Variants in NLRP12 observed in about 807,000 individuals in gnomAD.
NLRP12 encodes NACHT, LRR and PYD domains-containing protein 12.
A neutral mutation model predicts 91.2 loss-of-function variants in NLRP12; 108 were observed. That is an observed-to-expected ratio of 1.18 (90% CI 1.01 to 1.39). NLRP12 has a LOEUF of 1.39. Ranked by LOEUF, NLRP12 falls within the 40% of genes most tolerant of loss-of-function variation. NLRP12 has a pLI of 0.00. For missense variants in NLRP12, 1,530 were observed against 1,352.7 expected (o/e 1.13, Z -2.06); for synonymous variants, 613 against 566.7 (o/e 1.08, Z -1.16).
rs763359529 is a variant in NLRP12, at chr19:53,809,935, AGGT to A, written c.1721_1723del (p.His574del). On this transcript the variant is annotated inframe_deletion, in exon 3 of 10. Transcript: ENST00000324134. ...GACCTTCCAGCAGAGACTCTTCTCC[AGGT>A]GGCTCCTGGTCTCCTCGTTCAGGAG... 2.5e-6 allele frequency: 4 copies of A among 1,614,124 alleles called. No individual in the cohort carries two copies. In the South Asian group the frequency reaches 4.4e-5, roughly 18 times the overall value.
rs1199379245 is a variant in NLRP12, at chr19:53,819,453, A to ATG, written c.289+4432_289+4433insCA. Among the ~76,000 whole-genome samples the ATG allele has an allele frequency of 1.3e-3, 10 of 7,622 alleles. 1 individual carries two copies. The highest frequency in any genetic ancestry group is 4.1e-3 in the Admixed American group (3 of 732). The allele number at this position is 7,622 out of a possible 152,430, so 5.0% of individuals were successfully genotyped here. On this transcript the variant is annotated intron_variant, in intron 1 of 9. Transcript: ENST00000324134. ...TATATATATATATATATATATATATATATATGTGTGTGTGTGTGTGTGTGT... is the reference window on the plus strand; with the variant it reads ...TATATATATATATATATATATATATATGTATATGTGTGTGTGTGTGTGTGTGT...
rs104895569 is a variant in NLRP12 at position 53,798,386 on chromosome 19, G to C, written c.2784C>G (p.Ala928=). 17 of 1,613,978 alleles carry C rather than the reference G, an allele frequency of 1.1e-5. No homozygotes were observed. Among genetic ancestry groups the C allele is most frequent in the Non-Finnish European group, 1.4e-5 (17 of 1,180,032 alleles). Residue 928 remains alanine, a synonymous_variant, in exon 8 of 10, where the codon GCC becomes GCG. Transcript: ENST00000324134. ...GCACCACAGAAAGACCCTCACAGGC[G>C]GCAGAGCCCAGCCGGCAGATGCCCA... ...LRLGICRLGS[A]ACEGLSVVLQ...
rs764354581 is a variant in NLRP12 at position 53,807,556 on chromosome 19, G to A, written c.2182C>T (p.Arg728Trp). ...CCTTGACAGAGCAGCTTCACCCCCCGGCTGCCCAGGGCATTTCGGTACAGA... is the reference window on the plus strand; with the variant it reads ...CCTTGACAGAGCAGCTTCACCCCCCAGCTGCCCAGGGCATTTCGGTACAGA... ...LSLYRNALGS[R>W]GVKLLCQGLR... Residue 728 changes from arginine to tryptophan, a missense_variant, in exon 4 of 10, where the codon CGG (arginine) becomes TGG (tryptophan). Physicochemically the swap from Arg to Trp is moderately radical, Grantham distance 101 (BLOSUM62 -3). Transcript: ENST00000324134. 37 of 1,613,978 alleles carry A rather than the reference G, an allele frequency of 2.3e-5. No individual in the cohort carries two copies. The highest frequency in any genetic ancestry group is 3.3e-4 in the Middle Eastern group (2 of 6,084).
In NLRP12 at chr19:53,809,855, C is replaced by T. The variant is rs780296520; in HGVS notation, c.1804G>A (p.Asp602Asn). Residue 602 changes from aspartate (D) to asparagine (N), a missense_variant, in exon 3 of 10, where the codon GAC becomes AAC. By Grantham distance (23) the Asp-to-Asn change is conservative (BLOSUM62 1). Transcript: ENST00000324134. ...GAGCCCTGCTGCAGGGTGGAGCCGT[C>T]GCTCTGAGCTTTGCTTTGGATCCAC... ...LQWIQSKAQSDGSTLQQGSLE... is the reference protein window; with the variant it reads ...LQWIQSKAQSNGSTLQQGSLE... 3.7e-6 allele frequency: 6 copies of T among 1,614,128 alleles called. No homozygotes were observed. The highest frequency in any genetic ancestry group is 4.2e-6 in the Non-Finnish European group (5 of 1,180,032).
intron 1 of NLRP12, among the ~76,000 whole-genome samples, chr19:53,815,628 A>G (rs1363937044): frequency 6.6e-6 from 1 of 151,284 alleles, no homozygotes; most frequent in Non-Finnish European, 1.5e-5. Context: ...TTTCTTTTCG[A>G]GACGGAGTCT....
In NLRP12 at chr19:53,809,618, A is replaced by C. The variant is rs1321559511; in HGVS notation, c.2041T>G (p.Ser681Ala). The change falls in exon 3 of 10, where the codon TCC (serine) becomes GCC (alanine). Residue 681 changes from serine to alanine, a missense_variant. By Grantham distance (99) the Ser-to-Ala change is moderately conservative (BLOSUM62 1). Transcript: ENST00000324134. ...SADGEDRARC[S>A]AGAHTLLVQL... ...ACCAACAGCGTGTGCGCTCCTGCGG[A>C]GCACCTCGCGCGGTCTTCCCCGTCC... The C allele has an allele frequency of 6.2e-7, 1 of 1,611,450 alleles. No homozygotes were observed. Among genetic ancestry groups the C allele is most frequent in the East Asian group, 2.2e-5 (1 of 44,774 alleles).
At chr19:53,814,708 C>T (rs1022346665) in intron 2 of NLRP12, among the ~76,000 whole-genome samples, 200 bp downstream of exon 2, 1 of 152,080 alleles carries the variant, frequency 6.6e-6, no homozygotes, top group African/African-American at 2.4e-5. Context: ...CATCTTTCAG[C>T]CAGGAGATGA....
At chr19:53,797,617 G>A (rs777968262) in intron 8 of NLRP12, among the ~76,000 whole-genome samples, 3 of 150,392 alleles carry the variant, frequency 2.0e-5, no homozygotes, top group Non-Finnish European at 4.4e-5. Context: ...GTGTTTCACC[G>A]TTTTGGCCAG....
intron 1 of NLRP12, among the ~76,000 whole-genome samples, chr19:53,821,368 T>C (rs1450031003): frequency 2.0e-5 from 3 of 151,378 alleles, no homozygotes; most frequent in African/African-American, 7.3e-5. Flanking sequence ...ATAGAAGATA[T>C]AATAAAAGAA....
intron 1 of NLRP12, among the ~76,000 whole-genome samples, chr19:53,823,515 AAAACATATATTTT>A (rs2092299951): frequency 1.9e-5 from 1 of 52,188 alleles, no homozygotes; most frequent in Non-Finnish European, 3.9e-5. Flanking sequence ...ATATATATTT[AAAACATATATTTT>A]AAATATATAT....
chr19:53,816,247 A>G (rs2092157514), intron 1 of NLRP12, among the ~76,000 whole-genome samples: 1 of 151,926 alleles, frequency 6.6e-6, no homozygotes, highest in African/African-American at 2.4e-5. Flanking sequence ...GCGGCACCCC[A>G]TCTGGTCCTC....
In NLRP12 at chr19:53,810,752, AAG is replaced by A; in HGVS notation, c.905_906del (p.Ser302PhefsTer23). 2 of 1,614,036 alleles carry A rather than the reference AAG, an allele frequency of 1.2e-6. No individual in the cohort carries two copies. Among genetic ancestry groups the A allele is most frequent in the Non-Finnish European group, 1.7e-6 (2 of 1,180,014 alleles). On this transcript the variant is annotated frameshift_variant, in exon 3 of 10. Coordinates refer to ENST00000324134, the MANE Select transcript of NLRP12 (RefSeq NM_144687.4). LOFTEE classifies it high-confidence loss of function. The stretch of plus-strand genomic sequence containing the variant: ...CACCAGGGTCCCTGAGGATCGTGGA[AAG>A]AAGGCTTGAGCTCATCGAAGCCGTC... ...IIDGFDELKP[S>X]FHDPQGPWCL...
rs978615320 is a variant in NLRP12 at position 53,809,668 on chromosome 19, T to C, written c.1991A>G (p.His664Arg). 6.2e-6 allele frequency: 10 copies of C among 1,613,968 alleles called. No individual in the cohort carries two copies. Among genetic ancestry groups the C allele is most frequent in the African/African-American group, 1.3e-5 (1 of 75,038 alleles). The change falls in exon 3 of 10, where the codon CAC (histidine) becomes CGC (arginine). Residue 664 changes from histidine to arginine, a missense_variant. Transcript: ENST00000324134. ...CGCGCTGTAGGTGGCGCCATACAAG[T>C]GCAGCACCTGGGCGCTCCTGCAGCG... ...LKRCRSAQVL[H>R]LYGATYSADG...
At chr19:53,805,532 T>TC (rs2091945262) in intron 4 of NLRP12, 82 bp from the exon 5 acceptor site, 2 of 1,524,958 alleles carry the variant, frequency 1.3e-6, no homozygotes, top group East Asian at 4.5e-5. Context: ...TTTTTTTTTT[T>TC]TTTCTGAGAC....
intron 1 of NLRP12, 41 bp downstream of exon 1, chr19:53,823,845 C>T (rs755658780): frequency 3.4e-5 from 54 of 1,610,510 alleles, no homozygotes; most frequent in Non-Finnish European, 4.0e-5. Context: ...TCACTGGACC[C>T]GGCTGGCATT....
intron 7 of NLRP12, among the ~76,000 whole-genome samples, chr19:53,800,230 G>A (rs562146433): frequency 1.3e-5 from 2 of 152,048 alleles, no homozygotes; most frequent in African/African-American, 2.4e-5. Flanking sequence ...GTGTGAACCC[G>A]GGAGGTGGAG....
At chr19:53,811,380 G>A in intron 2 of NLRP12, 92 bp from the exon 3 acceptor site, 1 of 1,429,192 alleles carries the variant, frequency 7.0e-7, no homozygotes, top group Non-Finnish European at 9.8e-7. Flanking sequence ...GCTCAAAGAA[G>A]GTGTGTGCCT....
rs143499267 is a variant in NLRP12, at chr19:53,804,050, C to T, written c.2487G>A (p.Leu829=). Residue 829 remains leucine (L), a synonymous_variant, in exon 6 of 10, where the codon CTG becomes CTA. Transcript: ENST00000324134. ...MASVLGTNPH[L]VELDLTGNAL... ...CATTTCCTGTCAGGTCCAACTCAAC[C>T]AGATGTGGGTTGGTGCCGAGCACAG... The T allele has an allele frequency of 7.4e-6, 12 of 1,613,874 alleles. No individual in the cohort carries two copies. Among genetic ancestry groups the T allele is most frequent in the Non-Finnish European group, 1.0e-5 (12 of 1,179,910 alleles).
chr19:53,811,272 G>T lies in NLRP12; in HGVS notation c.387C>A (p.Tyr129Ter), dbSNP rs749761816. 6.2e-7 allele frequency: 1 copy of T among 1,613,930 alleles called. No individual in the cohort carries two copies. The highest frequency in any genetic ancestry group is 1.1e-5 in the South Asian group (1 of 91,090). ...VTPRKDPQETYRDYVRRKFRL... is the reference protein window; with the variant it reads ...VTPRKDPQET ...GGAATTTCCTGCGGACATAGTCCCTGTAGGTTTCCTGGGGATCTAGGGGAG... is the reference window on the plus strand; with the variant it reads ...GGAATTTCCTGCGGACATAGTCCCTTTAGGTTTCCTGGGGATCTAGGGGAG... Residue 129 changes from tyrosine to a stop codon, truncating the protein, a stop_gained, in exon 3 of 10, where the codon TAC becomes TAA. Coordinates refer to ENST00000324134, the MANE Select transcript of NLRP12 (RefSeq NM_144687.4). LOFTEE classifies it high-confidence loss of function.
Sources: allele counts gnomAD v4.1 joint callset (sites outside exome capture counted in the v4.1 genomes callset), GRCh38; gene constraint gnomAD v4.1.1; transcripts MANE v1.5; gene names NCBI Gene and HGNC (gene_info 2026-07-23, HGNC 2026-07-21).